The following UBE2R2 variants were observed in gnomAD, a reference collection of about 807,000 sequenced individuals.
The protein encoded by UBE2R2 is ubiquitin-conjugating enzyme E2 R2.
UBE2R2 carries 1 observed loss-of-function variant against 27.8 expected under a neutral mutation model. The ratio of observed to expected loss-of-function variants is 0.04; its 90% CI spans 0.01 to 0.17. The LOEUF (loss-of-function observed/expected upper bound fraction) is 0.17, where lower values mean the gene tolerates loss of function less well. Ranked by LOEUF, UBE2R2 falls within the 10% of genes least tolerant of loss-of-function variation. UBE2R2 has a pLI of 1.00. For missense variants in UBE2R2, 100 were observed against 291.0 expected (o/e 0.34, Z 4.78); for synonymous variants, 106 against 113.3 (o/e 0.94, Z 0.41).
intron 1 of UBE2R2, among the ~76,000 whole-genome samples, chr9:33,865,571 A>G (rs1246829462): frequency 1.3e-5 from 2 of 152,176 alleles, no homozygotes; most frequent in Non-Finnish European, 2.9e-5. Flanking sequence ...TCTACTGTGG[A>G]AGATGAGGAT....
At chr9:33,854,228 A>G (rs1189360685) in intron 1 of UBE2R2, among the ~76,000 whole-genome samples, 1 of 151,996 alleles carries the variant, frequency 6.6e-6, no homozygotes, top group African/African-American at 2.4e-5. Flanking sequence ...GATTTTATTG[A>G]GGCTTGCTTT....
chr9:33,821,032 ACTAT>A (rs34364814), intron 1 of UBE2R2, among the ~76,000 whole-genome samples: 10,318 of 152,192 alleles, frequency 0.068, 486 homozygotes, highest in Non-Finnish European at 0.099. Context: ...TTTTGGCCTT[ACTAT>A]CTTTTTGTGT....
chr9:33,900,362 T>A, intron 3 of UBE2R2, 91 bp downstream of exon 3: 1 of 882,850 alleles, frequency 1.1e-6, no homozygotes, highest in Non-Finnish European at 1.8e-6. Flanking sequence ...TTTTAACATG[T>A]AAAAAATCAT....
intron 3 of UBE2R2, among the ~76,000 whole-genome samples, chr9:33,908,953 G>A (rs370929808): frequency 6.6e-6 from 1 of 151,838 alleles, no homozygotes; most frequent in African/African-American, 2.4e-5. Context: ...CTATGATCAC[G>A]CCTATAAATA....
At chr9:33,900,127 A>G in intron 2 of UBE2R2, 47 bp from the exon 3 acceptor site, 1 of 1,480,208 alleles carries the variant, frequency 6.8e-7, no homozygotes. Context: ...CCCTTTTTGT[A>G]CATCACTTTT....
Position 33,859,793 on chromosome 9 carries a change from TGTGTGTGAGAGAGAGAGAGA to T in UBE2R2, c.178-27086_178-27067del, listed in dbSNP as rs1290802159. 1.8e-4 allele frequency among the ~76,000 whole-genome samples: 23 copies of T among 124,804 alleles called. No homozygotes were observed. In the East Asian group the frequency reaches 4.4e-3, roughly 24 times the overall value. 81.9% of individuals were successfully genotyped at this position (124,804 alleles called of 152,430 possible). A position where few individuals can be genotyped will look rare whatever the true frequency, so the allele number is the denominator to read the frequency against. ...GTGTGTGTGTGTGTGTGTGTGTGTG[TGTGTGTGAGAGAGAGAGAGA>T]GAGAGAGAGACAGGATCTCTCTCTA... On this transcript the variant is annotated intron_variant, in intron 1 of 4. Transcript: ENST00000263228.
chr9:33,832,382 C>T (rs1587429905), intron 1 of UBE2R2, among the ~76,000 whole-genome samples: 1 of 143,652 alleles, frequency 7.0e-6, no homozygotes, highest in South Asian at 2.2e-4. Flanking sequence ...TTCGGCCGGG[C>T]GCTGTGGCTC....
intron 3 of UBE2R2, among the ~76,000 whole-genome samples, chr9:33,908,434 T>G (rs2130817770): frequency 6.6e-6 from 1 of 152,264 alleles, no homozygotes; most frequent in Admixed American, 6.5e-5. Context: ...TGTGGCACAA[T>G]GGTAGGAGAA....
chr9:33,861,870 T>TTA, intron 1 of UBE2R2, among the ~76,000 whole-genome samples: 1 of 148,748 alleles, frequency 6.7e-6, no homozygotes, highest in South Asian at 2.2e-4. Flanking sequence ...TTTTTTTTTT[T>TTA]TAAGACGGAG....
chr9:33,884,842 A>G (rs1312038215), intron 1 of UBE2R2, among the ~76,000 whole-genome samples: 1 of 152,130 alleles, frequency 6.6e-6, no homozygotes, highest in Non-Finnish European at 1.5e-5. Flanking sequence ...CTAGAAATTT[A>G]AATAATATAC....
chr9:33,906,953 C>G (rs922494268), intron 3 of UBE2R2, among the ~76,000 whole-genome samples: 1 of 152,138 alleles, frequency 6.6e-6, no homozygotes, highest in Non-Finnish European at 1.5e-5. Flanking sequence ...ATCACTTGAG[C>G]CCAAGTGGTC....
intron 1 of UBE2R2, among the ~76,000 whole-genome samples, chr9:33,822,092 A>AT (rs1348715387): frequency 1.9e-3 from 244 of 126,432 alleles, no homozygotes; most frequent in South Asian, 6.8e-3. Flanking sequence ...ATATATATAT[A>AT]TATATTTTTT....
Position 33,892,723 on chromosome 9 carries a change from A to C in UBE2R2, c.264+5756A>C, listed in dbSNP as rs1467452508. Among the ~76,000 whole-genome samples, 3 of 152,124 alleles carry C rather than the reference A, an allele frequency of 2.0e-5. No homozygotes were observed. The East Asian group carries it at 5.8e-4, about 29-fold the overall frequency. On this transcript the variant is annotated intron_variant, in intron 2 of 4. Coordinates refer to ENST00000263228, the MANE Select transcript of UBE2R2 (RefSeq NM_017811.4). ...TTATCCATTTTCTCTTAACATTTTAAGATATAGGGAAAAGGTTTCCTAAGT... is the reference window on the plus strand; with the variant it reads ...TTATCCATTTTCTCTTAACATTTTACGATATAGGGAAAAGGTTTCCTAAGT...
chr9:33,878,213 A>G (rs149747103), intron 1 of UBE2R2, among the ~76,000 whole-genome samples: 2 of 152,350 alleles, frequency 1.3e-5, no homozygotes, highest in East Asian at 1.9e-4. Flanking sequence ...TAATTGAGCA[A>G]TACGCAGCGG....
intron 1 of UBE2R2, among the ~76,000 whole-genome samples, chr9:33,830,067 G>C (rs1163333418): frequency 6.6e-6 from 1 of 151,948 alleles, no homozygotes; most frequent in Non-Finnish European, 1.5e-5. Flanking sequence ...AAAGTGCTAG[G>C]ATTACAGGCG....
At chr9:33,834,920 AAAAAC>A (rs536375394) in intron 1 of UBE2R2, among the ~76,000 whole-genome samples, 49,607 of 148,328 alleles carry the variant, frequency 0.33, 8,809 homozygotes, top group African/African-American at 0.46. Flanking sequence ...CAGGAAAAAA[AAAAAC>A]AAAAGAAAAG....
At chr9:33,882,646 T>C (rs896441983) in intron 1 of UBE2R2, among the ~76,000 whole-genome samples, 2 of 152,168 alleles carry the variant, frequency 1.3e-5, no homozygotes, top group Non-Finnish European at 2.9e-5. Flanking sequence ...CAGCCTTTTT[T>C]CCCCCTAATC....
chr9:33,915,284 A>T (rs1423523511), intron 4 of UBE2R2, among the ~76,000 whole-genome samples: 3 of 152,232 alleles, frequency 2.0e-5, no homozygotes. Flanking sequence ...AGCAATGCTC[A>T]TTTATTCAGA....
intron 1 of UBE2R2, among the ~76,000 whole-genome samples, chr9:33,847,313 T>G (rs1587441533): frequency 6.6e-6 from 1 of 152,124 alleles, no homozygotes; most frequent in Non-Finnish European, 1.5e-5. Flanking sequence ...GCCAGGCTGG[T>G]CTTGAACTCT....
Sources: allele counts gnomAD v4.1 joint callset (sites outside exome capture counted in the v4.1 genomes callset), GRCh38; gene constraint gnomAD v4.1.1; transcripts MANE v1.5; gene names NCBI Gene and HGNC (gene_info 2026-07-23, HGNC 2026-07-21).